Variants in EPHB1 observed in about 807,000 individuals in gnomAD.
EPHB1 encodes EPH receptor B1, also known as ephrin type-B receptor 1.
In EPHB1, 30 loss-of-function variants were observed where a neutral mutation model predicts 94.4. The observed-to-expected ratio is 0.32, with a 90% CI of 0.24 to 0.43. The LOEUF (loss-of-function observed/expected upper bound fraction) is 0.43, where lower values mean the gene tolerates loss of function less well. Ranked by LOEUF, EPHB1 falls within the 20% of genes least tolerant of loss-of-function variation. The pLI, the probability that EPHB1 is intolerant of heterozygous loss-of-function variation, is 1.00. For missense variants in EPHB1, 1,055 were observed against 1,308.3 expected, an observed-to-expected ratio of 0.81 and a Z score of 2.99; for synonymous variants, 522 against 489.1, an observed-to-expected ratio of 1.07 and a Z score of -0.89.
At chr3:135,045,268 AAAAAAGAAAAAG>A (rs71838244) in intron 3 of EPHB1, among the ~76,000 whole-genome samples, 46 of 152,348 alleles carry the variant, frequency 3.0e-4, no homozygotes, top group Middle Eastern at 6.8e-3. Context: ...AGTCACTGAA[AAAAAAGAAAAAG>A]AAAAAGAAAA....
At chr3:134,855,429 G>C (rs1054403076) in intron 1 of EPHB1, among the ~76,000 whole-genome samples, 1 of 152,156 alleles carries the variant, frequency 6.6e-6, no homozygotes, top group Non-Finnish European at 1.5e-5. Flanking sequence ...GTGTCCATTG[G>C]ATTGCACAGC....
chr3:135,155,462 A>G (rs1187537891), intron 6 of EPHB1, among the ~76,000 whole-genome samples: 1 of 152,088 alleles, frequency 6.6e-6, no homozygotes, highest in Non-Finnish European at 1.5e-5. Flanking sequence ...CAAATGGGGA[A>G]GTAATAGACA....
chr3:134,958,870 G>A (rs1315169548), intron 3 of EPHB1, among the ~76,000 whole-genome samples: 3 of 152,260 alleles, frequency 2.0e-5, no homozygotes, highest in African/African-American at 4.8e-5. Flanking sequence ...GATGGCAAGC[G>A]GGAGTTCTGG....
At chr3:135,017,306 G>C (rs1478262083) in intron 3 of EPHB1, among the ~76,000 whole-genome samples, 1 of 152,062 alleles carries the variant, frequency 6.6e-6, no homozygotes, top group Non-Finnish European at 1.5e-5. Context: ...GAAATTAAAA[G>C]AAAACAAACA....
chr3:134,967,695 GA>G (rs1453668740), intron 3 of EPHB1, among the ~76,000 whole-genome samples: 1 of 152,102 alleles, frequency 6.6e-6, no homozygotes, highest in Non-Finnish European at 1.5e-5. Flanking sequence ...AGAACTGTAA[GA>G]AATAAATTGC....
chr3:135,048,224 C>CTTTT (rs71157318), intron 3 of EPHB1, among the ~76,000 whole-genome samples: 95 of 109,048 alleles, frequency 8.7e-4, no homozygotes, highest in African/African-American at 3.2e-3. Flanking sequence ...AAAAAATACT[C>CTTTT]TTTTTTTTTT....
chr3:135,097,175 T>TG, intron 3 of EPHB1, among the ~76,000 whole-genome samples: 1 of 147,626 alleles, frequency 6.8e-6, no homozygotes, highest in African/African-American at 2.5e-5. Flanking sequence ...TTTGTTTTTT[T>TG]TTTTTTTTTT....
chr3:134,895,284 C>T (rs1000633325), intron 1 of EPHB1, among the ~76,000 whole-genome samples: 1 of 152,196 alleles, frequency 6.6e-6, no homozygotes, highest in East Asian at 1.9e-4. Context: ...CTTGTCTTCT[C>T]ATTCTTTATT....
intron 1 of EPHB1, among the ~76,000 whole-genome samples, chr3:134,878,841 G>T (rs1461519127): frequency 6.6e-6 from 1 of 152,094 alleles, no homozygotes; most frequent in Non-Finnish European, 1.5e-5. Context: ...ATGGTACATG[G>T]GAAATTGGAC....
At chr3:134,930,689 T>C (rs2038888804) in intron 2 of EPHB1, among the ~76,000 whole-genome samples, 1 of 152,212 alleles carries the variant, frequency 6.6e-6, no homozygotes, top group Non-Finnish European at 1.5e-5. Context: ...CCAGGTCTGC[T>C]CCAGTTCCTA....
chr3:134,948,656 G>A (rs541376288), intron 2 of EPHB1, among the ~76,000 whole-genome samples: 140 of 152,392 alleles, frequency 9.2e-4, no homozygotes, highest in African/African-American at 3.1e-3. Flanking sequence ...CATCTCTTCC[G>A]TGTTGGCCAC....
Position 134,951,311 on chromosome 3 carries a change from G to A in EPHB1, c.124-60G>A. On this transcript the variant is annotated intron_variant, in intron 2 of 15. Transcript: ENST00000398015. This position sits in a 1 kb window ranked among gnomAD's most constrained non-coding sequence, Gnocchi z 4.5. The stretch of plus-strand genomic sequence containing the variant: ...ATTCTCCTCTGCTATGCCTATTTTT[G>A]TATTCTCACTCTCTATTTTGTGTTT... 6.9e-7 allele frequency: 1 copy of A among 1,443,482 alleles called. No individual in the cohort carries two copies. The highest frequency in any genetic ancestry group is 9.2e-7 in the Non-Finnish European group (1 of 1,085,276). The allele number at this position is 1,443,482 out of a possible 1,614,324, so 89.4% of individuals were successfully genotyped here. A position where few individuals can be genotyped will look rare whatever the true frequency, so the allele number is the denominator to read the frequency against.
intron 3 of EPHB1, among the ~76,000 whole-genome samples, chr3:135,043,761 G>A (rs1329860011): frequency 5.3e-5 from 8 of 152,172 alleles, no homozygotes; most frequent in Non-Finnish European, 1.2e-4. Context: ...CCTCTTCCAC[G>A]GATGACACCT....
At chr3:134,878,641 A>G (rs879277842) in intron 1 of EPHB1, among the ~76,000 whole-genome samples, 3 of 152,158 alleles carry the variant, frequency 2.0e-5, no homozygotes, top group Non-Finnish European at 2.9e-5. Flanking sequence ...GAGATAGACA[A>G]TTTTATCAAT....
chr3:135,110,681 C>T lies in EPHB1; in HGVS notation c.961+4078C>T, dbSNP rs115617711. Among the ~76,000 whole-genome samples, 814 of 152,310 alleles carry T rather than the reference C, an allele frequency of 5.3e-3. 1 individual carries two copies. The highest frequency in any genetic ancestry group is 7.3e-3 in the Non-Finnish European group (498 of 68,034). ...TGACCTCAGTGATGTTGCAAACCAT[C>T]GTGGCGATGATGGTGATTGGCTGTT... On this transcript the variant is annotated intron_variant, in intron 4 of 15. Transcript: ENST00000398015.
At chr3:135,161,090 T>C (rs1030425468) in intron 6 of EPHB1, among the ~76,000 whole-genome samples, 3 of 152,046 alleles carry the variant, frequency 2.0e-5, no homozygotes, top group African/African-American at 7.3e-5. Context: ...GCTGCAAAAG[T>C]CCAGGCACAA....
At chr3:134,817,123 T>C (rs747333923) in intron 1 of EPHB1, among the ~76,000 whole-genome samples, 11 of 152,122 alleles carry the variant, frequency 7.2e-5, no homozygotes, top group Non-Finnish European at 1.5e-4. Flanking sequence ...AAGTAATATA[T>C]GAATGTAGTT....
At chr3:135,029,492 T>C (rs1313707158) in intron 3 of EPHB1, among the ~76,000 whole-genome samples, 3 of 147,874 alleles carry the variant, frequency 2.0e-5, no homozygotes, top group Admixed American at 1.4e-4. Context: ...AAGCTTAGTT[T>C]GGCTGGATAT....
At chr3:134,885,823 C>T (rs1003567668) in intron 1 of EPHB1, among the ~76,000 whole-genome samples, 5 of 152,180 alleles carry the variant, frequency 3.3e-5, no homozygotes, top group African/African-American at 1.2e-4. Context: ...GCTATGCCCT[C>T]TCATGACAGA....
Sources: allele counts gnomAD v4.1 joint callset (sites outside exome capture counted in the v4.1 genomes callset), GRCh38; gene constraint gnomAD v4.1.1; non-coding constraint Gnocchi (gnomAD v3.1); transcripts MANE v1.5; gene names NCBI Gene and HGNC (gene_info 2026-07-23, HGNC 2026-07-21).